The following CRACDL variants were observed in gnomAD, a reference collection of about 807,000 sequenced individuals.
CRACDL encodes CRACD like, also known as CRACD-like protein.
CRACDL carries 26 observed loss-of-function variants against 70.6 expected under a neutral mutation model. The ratio of observed to expected loss-of-function variants is 0.37; its 90% CI spans 0.27 to 0.51. CRACDL has a LOEUF of 0.51. Ranked by LOEUF, CRACDL falls within the 20% of genes least tolerant of loss-of-function variation. The probability of loss-of-function intolerance (pLI) is 0.94; values close to 1 mark genes in which losing one functional copy is unlikely to be tolerated. For synonymous variants in CRACDL, 618 were observed against 615.2 expected (o/e 1.00, Z -0.07); for missense variants, 1,283 against 1,376.9 (o/e 0.93, Z 1.08).
intron 7 of CRACDL, 149 bp from the exon 8 acceptor site, chr2:98,797,686 C>A: frequency 1.5e-6 from 1 of 679,900 alleles, no homozygotes. Flanking sequence ...GCTTTGTTTT[C>A]TTATTAAAGA....
At position 98,822,985 on chromosome 2, in the gene CRACDL, C is replaced by G. The variant is rs751454818; in HGVS notation, c.1288G>C (p.Gly430Arg). Residue 430 changes from glycine to arginine, a missense_variant, in exon 7 of 10, where the codon GGG becomes CGG. Gly to Arg is a moderately radical substitution (Grantham distance 125). Around this residue, in one of 2 missense-constraint regions of CRACDL, gnomAD observed 921 missense variants for 881.9 expected, o/e 1.04. Transcript: ENST00000397899. This position sits in a 1 kb window ranked among gnomAD's most constrained non-coding sequence, Gnocchi z 4.9. ...ATSEAPSARD[G>R]PERSVPKEAE... ...TCCTTCGGGACACTGCGTTCTGGCCCGTCGCGAGCAGAGGGCGCCTCTGAG... is the reference window on the plus strand; with the variant it reads ...TCCTTCGGGACACTGCGTTCTGGCCGGTCGCGAGCAGAGGGCGCCTCTGAG... 2 of 1,490,130 alleles carry G rather than the reference C, an allele frequency of 1.3e-6. No individual in the cohort carries two copies. Among genetic ancestry groups the G allele is most frequent in the South Asian group, 1.3e-5 (1 of 78,012 alleles). The allele number at this position is 1,490,130 out of a possible 1,614,324, so 92.3% of individuals were successfully genotyped here.
At chr2:98,842,661 G>T (rs1404279854) in intron 2 of CRACDL, among the ~76,000 whole-genome samples, 1 of 152,042 alleles carries the variant, frequency 6.6e-6, no homozygotes, top group Non-Finnish European at 1.5e-5. Context: ...AAGTCACACA[G>T]TATGTCCCCT....
intron 1 of CRACDL, among the ~76,000 whole-genome samples, chr2:98,926,226 A>G (rs377002119): frequency 3.3e-5 from 5 of 152,328 alleles, no homozygotes; most frequent in African/African-American, 9.6e-5. Flanking sequence ...CATTTGGTAC[A>G]TGTGAAATCA....
chr2:98,805,834 C>T (rs568248716), intron 7 of CRACDL, among the ~76,000 whole-genome samples: 2 of 152,372 alleles, frequency 1.3e-5, no homozygotes, highest in African/African-American at 4.8e-5. Flanking sequence ...GCCAGGCTTT[C>T]TGTGGTTTGA....
chr2:98,935,082 C>T (rs1248461889), intron 1 of CRACDL, among the ~76,000 whole-genome samples: 1 of 152,186 alleles, frequency 6.6e-6, no homozygotes, highest in Admixed American at 6.5e-5. Context: ...TACCAGGGGT[C>T]TACACAGATT....
intron 1 of CRACDL, chr2:98,897,296 C>T: frequency 3.1e-6 from 3 of 966,272 alleles, no homozygotes; most frequent in Non-Finnish European, 4.3e-6. Context: ...TGGTTTGTTC[C>T]TTTTACCCTT....
At chr2:98,810,929 T>C (rs1170666299) in intron 7 of CRACDL, among the ~76,000 whole-genome samples, 10 of 150,168 alleles carry the variant, frequency 6.7e-5, no homozygotes, top group Non-Finnish European at 1.2e-4. Context: ...ACATACAGTG[T>C]AACCCTTAAA....
At chr2:98,859,523 C>T (rs1002862042) in intron 1 of CRACDL, among the ~76,000 whole-genome samples, 1 of 152,094 alleles carries the variant, frequency 6.6e-6, no homozygotes, top group Non-Finnish European at 1.5e-5. Context: ...AAAATCAATG[C>T]AATAAACCAT....
intron 1 of CRACDL, among the ~76,000 whole-genome samples, chr2:98,864,842 T>G (rs1303404688): frequency 6.6e-6 from 1 of 152,216 alleles, no homozygotes; most frequent in African/African-American, 2.4e-5. Flanking sequence ...CCACTGCGCC[T>G]GGCCTGATTA....
intron 1 of CRACDL, among the ~76,000 whole-genome samples, chr2:98,913,677 C>T (rs1708597630): frequency 1.3e-5 from 2 of 152,182 alleles, no homozygotes; most frequent in South Asian, 2.1e-4. Flanking sequence ...TGAGGAGTCA[C>T]GGAAAGCATG....
intron 1 of CRACDL, among the ~76,000 whole-genome samples, chr2:98,905,134 C>G (rs1224155487): frequency 6.6e-6 from 1 of 151,324 alleles, no homozygotes; most frequent in Non-Finnish European, 1.5e-5. Context: ...CCTGTAGTCC[C>G]AGCTACTCGG....
intron 1 of CRACDL, among the ~76,000 whole-genome samples, chr2:98,916,481 T>A (rs187851340): frequency 6.7e-6 from 1 of 149,778 alleles, no homozygotes; most frequent in African/African-American, 2.5e-5. Context: ...GCAGATTATA[T>A]GTCAATGATA....
chr2:98,821,882 C>G lies in CRACDL; in HGVS notation c.2391G>C (p.Glu797Asp). The G allele has an allele frequency of 6.2e-7, 1 of 1,606,660 alleles. No homozygotes were observed. The highest frequency in any genetic ancestry group is 8.5e-7 in the Non-Finnish European group (1 of 1,178,574). ...REPRKEPRTAEKRPLRRGAEK... is the reference protein window; with the variant it reads ...REPRKEPRTADKRPLRRGAEK... ...CAGCTCCCCTGCGCAGCGGCCTTTT[C>G]TCCGCCGTCCTGGGCTCCTTCCTGG... The change falls in exon 7 of 10, where the codon GAG becomes GAC. Residue 797 changes from glutamate to aspartate, a missense_variant. Glu to Asp is a conservative substitution (Grantham distance 45). This residue lies in a region of CRACDL where 921 missense variants were observed against 881.9 expected (regional missense o/e 1.04). Coordinates refer to ENST00000397899, the MANE Select transcript of CRACDL (RefSeq NM_207362.3).
At chr2:98,919,959 G>A (rs1301119136) in intron 1 of CRACDL, among the ~76,000 whole-genome samples, 2 of 152,106 alleles carry the variant, frequency 1.3e-5, no homozygotes, top group African/African-American at 4.8e-5. Flanking sequence ...TCTCTCTGTT[G>A]CTCAGGTTCG....
chr2:98,829,474 G>A (rs1383144589), intron 5 of CRACDL, among the ~76,000 whole-genome samples: 2 of 152,176 alleles, frequency 1.3e-5, no homozygotes, highest in Non-Finnish European at 1.5e-5. Flanking sequence ...ATGTAACTAC[G>A]TGAGGTGGTT....
chr2:98,886,428 C>A (rs918750577), intron 1 of CRACDL, among the ~76,000 whole-genome samples: 3 of 152,134 alleles, frequency 2.0e-5, no homozygotes, highest in Admixed American at 6.5e-5. Context: ...TCAGCATATC[C>A]CTGGGTATCT....
chr2:98,820,602 C>T (rs976715743), intron 7 of CRACDL, among the ~76,000 whole-genome samples: 2 of 152,200 alleles, frequency 1.3e-5, no homozygotes, highest in African/African-American at 4.8e-5. Flanking sequence ...GCTGCAAATA[C>T]ACATTTTCAA....
intron 1 of CRACDL, among the ~76,000 whole-genome samples, chr2:98,863,779 A>G (rs1403338490): frequency 1.3e-5 from 2 of 152,164 alleles, no homozygotes; most frequent in Non-Finnish European, 2.9e-5. Context: ...TCAGGACATA[A>G]CCCCATCGTA....
chr2:98,880,857 C>T (rs1707630325), intron 1 of CRACDL, among the ~76,000 whole-genome samples: 3 of 152,214 alleles, frequency 2.0e-5, no homozygotes, highest in Admixed American at 2.0e-4. Context: ...TGTGACACAT[C>T]CACCTCCCCG....
Sources: gnomAD v4.1 joint callset for allele counts (sites outside exome capture counted in the v4.1 genomes callset) on GRCh38, gnomAD v4.1.1 for gene constraint, gnomAD v4.1.1 regional missense constraint, Gnocchi (gnomAD v3.1) non-coding constraint, MANE v1.5 for transcripts, NCBI Gene and HGNC (gene_info 2026-07-23, HGNC 2026-07-21) for gene names.